MAP3K15: variants seen among roughly 807,000 people sequenced by gnomAD.
The protein encoded by MAP3K15 is MAPK/ERK kinase kinase 15.
A neutral mutation model predicts 99.5 loss-of-function variants in MAP3K15; 124 were observed. The observed-to-expected ratio is 1.25, with a 90% CI of 1.08 to 1.45. The LOEUF (loss-of-function observed/expected upper bound fraction) is 1.45, where lower values mean the gene tolerates loss of function less well. Among genes scored for constraint, MAP3K15 ranks in the 40% most tolerant of loss-of-function variants. The pLI, the probability that MAP3K15 is intolerant of heterozygous loss-of-function variation, is 0.00. For synonymous variants in MAP3K15, 494 were observed against 439.6 expected (o/e 1.12, Z -1.55); for missense variants, 1,242 against 1,079.7 (o/e 1.15, Z -2.11).
chrX:19,460,776 TTTTTA>T (rs2064127282), intron 4 of MAP3K15, among the ~76,000 whole-genome samples: 1 of 108,949 alleles, frequency 9.2e-6, no homozygotes, highest in Non-Finnish European at 1.9e-5. Context: ...TTTTTTTTTA[TTTTTA>T]TTTATTTTTT....
chrX:19,368,659 C>T (rs935291286), intron 25 of MAP3K15, among the ~76,000 whole-genome samples: 1 of 111,401 alleles, frequency 9.0e-6, no homozygotes, highest in African/African-American at 3.3e-5. Context: ...GAAGTGCTAA[C>T]CAACCCCCAA....
chrX:19,417,249 T>C (rs2063743810), intron 9 of MAP3K15, among the ~76,000 whole-genome samples: 1 of 112,645 alleles, frequency 8.9e-6, no homozygotes, highest in African/African-American at 3.2e-5. Context: ...GGCGAGGCAC[T>C]GCCTCACCCG....
intron 3 of MAP3K15, among the ~76,000 whole-genome samples, chrX:19,465,242 T>A (rs1166659658): frequency 1.8e-5 from 2 of 111,433 alleles, no homozygotes; most frequent in Non-Finnish European, 3.8e-5. Flanking sequence ...TACTTTGTTA[T>A]TTTCCAACCA....
intron 22 of MAP3K15, 66 bp downstream of exon 22, chrX:19,372,587 C>A: frequency 9.3e-7 from 1 of 1,075,151 alleles, no homozygotes; most frequent in Non-Finnish European, 1.3e-6. Flanking sequence ...CTGATTGGAC[C>A]TGTCTGGGGA....
chrX:19,468,425 G>A (rs2064183433), intron 3 of MAP3K15, among the ~76,000 whole-genome samples: 1 of 112,023 alleles, frequency 8.9e-6, no homozygotes, highest in African/African-American at 3.2e-5. Context: ...TAAGGAGGGA[G>A]ACTAACAACT....
intron 6 of MAP3K15, among the ~76,000 whole-genome samples, chrX:19,441,827 T>A (rs983747294): frequency 1.3e-4 from 15 of 111,369 alleles, no homozygotes; most frequent in African/African-American, 4.6e-4. Flanking sequence ...ATACAAAACC[T>A]CTCTAACAAG....
At chrX:19,370,400 TG>T (rs1320545837) in intron 24 of MAP3K15, among the ~76,000 whole-genome samples, 1 of 104,300 alleles carries the variant, frequency 9.6e-6, no homozygotes, top group African/African-American at 3.6e-5. Flanking sequence ...TTTATGTATT[TG>T]TTTATTTTTA....
At position 19,361,396 on chromosome X, in the gene MAP3K15, G is replaced by GTA; in HGVS notation, c.3798_3799dup (p.Thr1267IlefsTer15). 1 of 1,208,314 alleles carries GTA rather than the reference G, an allele frequency of 8.3e-7. No homozygotes were observed. The highest frequency in any genetic ancestry group is 1.1e-6 in the Non-Finnish European group (1 of 892,244). On this transcript the variant is annotated frameshift_variant, in exon 28 of 29. Transcript: ENST00000338883. LOFTEE classifies it high-confidence loss of function. ...GATCTCATTAAGAATATCCGAAAGT[G>GTA]TATAACCCTCTTCAACAATCTGAAA...
intron 25 of MAP3K15, among the ~76,000 whole-genome samples, chrX:19,365,937 GT>G (rs1390709140): frequency 9.7e-6 from 1 of 103,452 alleles, no homozygotes; most frequent in Non-Finnish European, 2.0e-5. Flanking sequence ...AACCCGGGAG[GT>G]GAAGGTTGCA....
chrX:19,371,482 C>A lies in MAP3K15; in HGVS notation c.3157G>T (p.Gly1053Trp). The part of the protein sequence containing the change: ...LSVGHIKQII[G>W]ILRDFIRSPE... ...GAGCGGATGAAGTCCCTCAGGATCC[C>A]AATGATTTGCTTGATGTGTCCAACT... is the stretch of plus-strand genomic sequence containing the variant. Residue 1053 changes from glycine (G) to tryptophan (W), a missense_variant, in exon 23 of 29, where the codon GGG (glycine) becomes TGG (tryptophan). Coordinates refer to ENST00000338883, the MANE Select transcript of MAP3K15 (RefSeq NM_001001671.4). 8.3e-7 allele frequency: 1 copy of A among 1,209,917 alleles called. No homozygotes were observed. Among genetic ancestry groups the A allele is most frequent in the African/African-American group, 1.7e-5 (1 of 57,745 alleles).
chrX:19,456,336 T>C (rs1250079113), intron 6 of MAP3K15, among the ~76,000 whole-genome samples: 3 of 111,488 alleles, frequency 2.7e-5, no homozygotes, highest in East Asian at 2.8e-4. Flanking sequence ...CACAACCGCA[T>C]AGATGAATCT....
chrX:19,483,700 A>G (rs1242019192), intron 3 of MAP3K15, among the ~76,000 whole-genome samples: 2 of 111,338 alleles, frequency 1.8e-5, no homozygotes, highest in African/African-American at 6.5e-5. Context: ...CCCAATCCAC[A>G]TGGAGGGGAC....
chrX:19,410,315 T>C (rs776243566), intron 11 of MAP3K15, among the ~76,000 whole-genome samples: 3 of 112,740 alleles, frequency 2.7e-5, no homozygotes, highest in Non-Finnish European at 5.6e-5. Flanking sequence ...CTAGCCCACC[T>C]AAGTTGAGTG....
chrX:19,365,695 G>A (rs768867437), intron 25 of MAP3K15, among the ~76,000 whole-genome samples: 19 of 111,587 alleles, frequency 1.7e-4, no homozygotes, highest in South Asian at 3.7e-4. Context: ...TGGGAATACA[G>A]AACTAAGCTT....
At chrX:19,425,412 C>G in intron 9 of MAP3K15, 119 bp downstream of exon 9, 1 of 646,689 alleles carries the variant, frequency 1.5e-6, no homozygotes, top group East Asian at 3.7e-5. Flanking sequence ...GCAGTTGTGT[C>G]TGTGCTAACT....
At chrX:19,416,056 T>C (rs1009706284) in intron 9 of MAP3K15, among the ~76,000 whole-genome samples, 1 of 111,758 alleles carries the variant, frequency 8.9e-6, no homozygotes, top group African/African-American at 3.3e-5. Context: ...TGTGGCCAGG[T>C]GCGGTGGCTC....
chrX:19,360,756 T>C lies in MAP3K15; in HGVS notation c.3935A>G (p.Lys1312Arg). The change falls in exon 29 of 29, where the codon AAG (lysine) becomes AGG (arginine). Residue 1312 changes from lysine (K) to arginine (R), a missense_variant. Lys to Arg is a conservative substitution (Grantham distance 26). Coordinates refer to ENST00000338883, the MANE Select transcript of MAP3K15 (RefSeq NM_001001671.4). ...RAQEASETKD[K>R]A ...CAGCTTAGCTGATTGGTATCAAGCC[T>C]TGTCTTTGGTTTCTGAGGCCTCCTG... The C allele has an allele frequency of 8.3e-7, 1 of 1,206,594 alleles. No homozygotes were observed.
chrX:19,465,830 GGTGTGTGTGTGTGTGT>G (rs10589040), intron 3 of MAP3K15, among the ~76,000 whole-genome samples: 1 of 94,002 alleles, frequency 1.1e-5, no homozygotes, highest in Non-Finnish European at 2.1e-5. Context: ...GGTGTGTAGG[GGTGTGTGTGTGTGTGT>G]GTGTGTGTGT....
chrX:19,398,335 C>A lies in MAP3K15; in HGVS notation c.1957G>T (p.Gly653Cys). 7 of 1,211,311 alleles carry A rather than the reference C, an allele frequency of 5.8e-6. No individual in the cohort carries two copies. Among genetic ancestry groups the A allele is most frequent in the Middle Eastern group, 2.3e-4 (1 of 4,350 alleles). Residue 653 changes from glycine (G) to cysteine (C), a missense_variant, in exon 15 of 29, where the codon GGT becomes TGT. Gly to Cys is a radical substitution (Grantham distance 159). Coordinates refer to ENST00000338883, the MANE Select transcript of MAP3K15 (RefSeq NM_001001671.4). ...CCTTTCCCCAAGACAACTCTCTCAC[C>A]ATTTGCATCATGGTCATACTCATAC... The part of the protein sequence containing the change: ...LEYEYDHDAN[G>C]ERVVLGKGTY...
Sources: gnomAD v4.1 joint callset for allele counts (sites outside exome capture counted in the v4.1 genomes callset) on GRCh38, gnomAD v4.1.1 for gene constraint, MANE v1.5 for transcripts, NCBI Gene and HGNC (gene_info 2026-07-23, HGNC 2026-07-21) for gene names.